The following CNTNAP2 variants were observed in gnomAD, a reference collection of about 807,000 sequenced individuals.
CNTNAP2 encodes contactin associated protein 2.
In CNTNAP2, 98 loss-of-function variants were observed where a neutral mutation model predicts 155.2. The ratio of observed to expected loss-of-function variants is 0.63; its 90% CI spans 0.54 to 0.75. CNTNAP2 has a LOEUF of 0.75. Among genes scored for constraint, CNTNAP2 ranks in the 30% least tolerant of loss-of-function variants. CNTNAP2 has a pLI of 0.00. For synonymous variants in CNTNAP2, 651 were observed against 631.2 expected (o/e 1.03, Z -0.47); for missense variants, 1,727 against 1,688.1 (o/e 1.02, Z -0.40).
intron 8 of CNTNAP2, among the ~76,000 whole-genome samples, chr7:147,243,490 C>T (rs1803989427): frequency 6.6e-6 from 1 of 152,188 alleles, no homozygotes; most frequent in Non-Finnish European, 1.5e-5. Flanking sequence ...TTTTAATATT[C>T]ATGAGCACAG....
intron 3 of CNTNAP2, among the ~76,000 whole-genome samples, chr7:146,869,338 T>C (rs1212089026): frequency 6.6e-6 from 1 of 152,228 alleles, no homozygotes; most frequent in Non-Finnish European, 1.5e-5. Context: ...GACTTATCTA[T>C]GTTGAAATAA....
At chr7:147,555,935 C>T (rs945486141) in intron 11 of CNTNAP2, among the ~76,000 whole-genome samples, 1 of 152,230 alleles carries the variant, frequency 6.6e-6, no homozygotes, top group Non-Finnish European at 1.5e-5. Flanking sequence ...TATTTCCCAG[C>T]AATTCATGCC....
intron 1 of CNTNAP2, among the ~76,000 whole-genome samples, chr7:146,278,804 C>T (rs1180799195): frequency 6.6e-6 from 1 of 152,078 alleles, no homozygotes; most frequent in African/African-American, 2.4e-5. Flanking sequence ...ACCAATATTT[C>T]TGGTTGGAGC....
chr7:147,008,539 A>G (rs895120671), intron 3 of CNTNAP2, among the ~76,000 whole-genome samples: 1 of 152,044 alleles, frequency 6.6e-6, no homozygotes, highest in African/African-American at 2.4e-5. Flanking sequence ...ATTAGTTAAC[A>G]AAAGAAAACA....
chr7:146,308,110 A>T (rs1176287329), intron 1 of CNTNAP2, among the ~76,000 whole-genome samples: 4 of 152,304 alleles, frequency 2.6e-5, no homozygotes, highest in South Asian at 2.1e-4. Context: ...GAATCTACAA[A>T]GAACTTAACA....
intron 14 of CNTNAP2, among the ~76,000 whole-genome samples, chr7:147,969,807 G>A (rs773153433): frequency 9.9e-5 from 15 of 152,078 alleles, no homozygotes; most frequent in Non-Finnish European, 4.4e-5. Flanking sequence ...TTAACAATTA[G>A]ATAGTTTTTG....
chr7:146,229,020 G>A lies in CNTNAP2; in HGVS notation c.97+112047G>A, dbSNP rs550068307. Reference sequence around the variant, plus strand: ...TCTCTATCTATTAGATCACTGAACCGTTTCACATGAGTTTACAGATTAATA... The same window carrying A: ...TCTCTATCTATTAGATCACTGAACCATTTCACATGAGTTTACAGATTAATA... On this transcript the variant is annotated intron_variant, in intron 1 of 23. Coordinates refer to ENST00000361727, the MANE Select transcript of CNTNAP2 (RefSeq NM_014141.6). 4.6e-5 allele frequency among the ~76,000 whole-genome samples: 7 copies of A among 152,034 alleles called. No individual in the cohort carries two copies. In the East Asian group the frequency reaches 5.8e-4, roughly 13 times the overall value.
chr7:148,187,841 G>T (rs1795144605), intron 18 of CNTNAP2, among the ~76,000 whole-genome samples: 1 of 152,058 alleles, frequency 6.6e-6, no homozygotes, highest in South Asian at 2.1e-4. Context: ...TCACAAATCA[G>T]AACATAGCTT....
At chr7:147,148,384 C>G (rs1306873785) in intron 8 of CNTNAP2, among the ~76,000 whole-genome samples, 1 of 118,814 alleles carries the variant, frequency 8.4e-6, no homozygotes, top group Non-Finnish European at 1.7e-5. Context: ...AGCGAGACTC[C>G]GTCTCAAAAA....
At chr7:147,149,696 A>T (rs1801786523) in intron 8 of CNTNAP2, among the ~76,000 whole-genome samples, 1 of 152,124 alleles carries the variant, frequency 6.6e-6, no homozygotes, top group African/African-American at 2.4e-5. Context: ...CTGTGTGGAT[A>T]GTGGATAGGT....
At chr7:148,056,061 G>A (rs553347582) in intron 15 of CNTNAP2, among the ~76,000 whole-genome samples, 3 of 152,172 alleles carry the variant, frequency 2.0e-5, no homozygotes, top group Non-Finnish European at 4.4e-5. Context: ...CCTTCTCTCA[G>A]TGACTTTGAA....
chr7:146,186,267 A>G (rs1798622378), intron 1 of CNTNAP2, among the ~76,000 whole-genome samples: 1 of 152,100 alleles, frequency 6.6e-6, no homozygotes, highest in Admixed American at 6.6e-5. Context: ...GCTCATTTTT[A>G]TCTTACCTTT....
intron 21 of CNTNAP2, among the ~76,000 whole-genome samples, chr7:148,295,985 A>T (rs1291126428): frequency 3.3e-5 from 5 of 152,196 alleles, no homozygotes; most frequent in African/African-American, 1.2e-4. Context: ...CATGCAAAAG[A>T]TAACTCTTAC....
chr7:147,212,004 C>T lies in CNTNAP2; in HGVS notation c.1348+79495C>T, dbSNP rs137876592. 1.6e-4 allele frequency among the ~76,000 whole-genome samples: 25 copies of T among 152,234 alleles called. No individual in the cohort carries two copies. In the East Asian group the frequency reaches 4.4e-3, roughly 27 times the overall value. On this transcript the variant is annotated intron_variant, in intron 8 of 23. Transcript: ENST00000361727. The stretch of plus-strand genomic sequence containing the variant: ...AACAAATGTGTGCAAAAATTCTCGA[C>T]ATCACTAATCATCAGAGAAATGCAA...
At chr7:148,387,971 A>G (rs1799255136) in intron 22 of CNTNAP2, among the ~76,000 whole-genome samples, 1 of 152,170 alleles carries the variant, frequency 6.6e-6, no homozygotes, top group African/African-American at 2.4e-5. Flanking sequence ...CAGCACCATG[A>G]CAGCTTATAA....
At chr7:146,784,285 CT>C (rs2129187709) in intron 2 of CNTNAP2, among the ~76,000 whole-genome samples, 1 of 152,244 alleles carries the variant, frequency 6.6e-6, no homozygotes, top group African/African-American at 2.4e-5. Context: ...CTGCTGCCGC[CT>C]TTGAAATGGC....
chr7:147,179,247 A>G (rs1044121924), intron 8 of CNTNAP2, among the ~76,000 whole-genome samples: 1 of 152,242 alleles, frequency 6.6e-6, no homozygotes. Context: ...TTAAGAAACA[A>G]AATATTAAGA....
intron 13 of CNTNAP2, among the ~76,000 whole-genome samples, chr7:147,737,425 C>T (rs185834912): frequency 5.9e-5 from 9 of 152,242 alleles, no homozygotes; most frequent in African/African-American, 1.9e-4. Context: ...AGGTGTCAGT[C>T]TGCCCCTACT....
At chr7:147,034,621 C>T (rs1034133939) in intron 3 of CNTNAP2, among the ~76,000 whole-genome samples, 1 of 152,106 alleles carries the variant, frequency 6.6e-6, no homozygotes, top group Non-Finnish European at 1.5e-5. Context: ...TCAGAAAAAT[C>T]GGATCACATG....
Sources: allele counts gnomAD v4.1 joint callset (sites outside exome capture counted in the v4.1 genomes callset), GRCh38; gene constraint gnomAD v4.1.1; transcripts MANE v1.5; gene names NCBI Gene and HGNC (gene_info 2026-07-23, HGNC 2026-07-21).